Variants in TMEM178B observed in about 807,000 individuals in gnomAD.
TMEM178B encodes the protein transmembrane protein 178B.
TMEM178B carries 5 observed loss-of-function variants against 31.0 expected under a neutral mutation model. That is an observed-to-expected ratio of 0.16 (90% CI 0.08 to 0.34). TMEM178B has a LOEUF of 0.34. Among genes scored for constraint, TMEM178B ranks in the 10% least tolerant of loss-of-function variants. TMEM178B has a pLI of 1.00. For missense variants in TMEM178B, 275 were observed against 400.3 expected (o/e 0.69, Z 2.67); for synonymous variants, 164 against 164.0 (o/e 1.00, Z 0.00).
At chr7:141,273,141 C>T (rs1410686658) in intron 2 of TMEM178B, among the ~76,000 whole-genome samples, 3 of 152,112 alleles carry the variant, frequency 2.0e-5, no homozygotes, top group Non-Finnish European at 1.5e-5. Context: ...ACAAATACTG[C>T]ATGATCTTAT....
At chr7:141,384,709 G>A (rs942446349) in intron 2 of TMEM178B, among the ~76,000 whole-genome samples, 2 of 152,188 alleles carry the variant, frequency 1.3e-5, no homozygotes, top group Admixed American at 6.5e-5. Flanking sequence ...GCTCTTTTTT[G>A]GTTCCATATG....
chr7:141,443,248 C>T (rs984564795), intron 3 of TMEM178B, among the ~76,000 whole-genome samples: 2 of 152,206 alleles, frequency 1.3e-5, no homozygotes, highest in South Asian at 2.1e-4. Flanking sequence ...GATTATGATA[C>T]ATTTGTTATT....
In TMEM178B at chr7:141,321,039, G is replaced by C. The variant is rs1025208562; in HGVS notation, c.496+108335G>C. On this transcript the variant is annotated intron_variant, in intron 2 of 3. Coordinates refer to ENST00000565468, the MANE Select transcript of TMEM178B (RefSeq NM_001195278.2). Reference sequence around the variant, plus strand: ...ATTGTTGAGAATACACCCCATTCACGGCCACTGGTGGGATTTTGTTCCATG... The same window carrying C: ...ATTGTTGAGAATACACCCCATTCACCGCCACTGGTGGGATTTTGTTCCATG... 2.0e-5 allele frequency among the ~76,000 whole-genome samples: 3 copies of C among 152,130 alleles called. No individual in the cohort carries two copies. In the South Asian group the frequency reaches 6.2e-4, roughly 32 times the overall value.
Position 141,304,156 on chromosome 7 carries a change from G to A in TMEM178B, c.496+91452G>A, listed in dbSNP as rs936040026. The stretch of plus-strand genomic sequence containing the variant: ...TAATCCAGAAGACCAGACAGCTACA[G>A]TATGTGGTTATTAATTGGTTCGATT... On this transcript the variant is annotated intron_variant, in intron 2 of 3. Transcript: ENST00000565468. Among the ~76,000 whole-genome samples the A allele has an allele frequency of 2.6e-5, 4 of 152,170 alleles. No homozygotes were observed. In the East Asian group the frequency reaches 7.7e-4, roughly 29 times the overall value.
chr7:141,224,972 G>A (rs971451180), intron 2 of TMEM178B, among the ~76,000 whole-genome samples: 11 of 152,198 alleles, frequency 7.2e-5, no homozygotes, highest in Admixed American at 2.0e-4. Context: ...GGGATTGACC[G>A]CTAAAGGTTG....
At chr7:141,208,508 A>C (rs541095504) in intron 1 of TMEM178B, among the ~76,000 whole-genome samples, 19 of 152,332 alleles carry the variant, frequency 1.2e-4, no homozygotes, top group Admixed American at 9.8e-4. Context: ...CACATGGATA[A>C]ATATTTTGCT....
At chr7:141,213,586 T>C (rs989433282) in intron 2 of TMEM178B, among the ~76,000 whole-genome samples, 3 of 152,212 alleles carry the variant, frequency 2.0e-5, no homozygotes, top group African/African-American at 7.2e-5. Context: ...ATTCTTTTAT[T>C]CCTGACAGTA....
chr7:141,208,432 T>G (rs1410357730), intron 1 of TMEM178B, among the ~76,000 whole-genome samples: 2 of 152,238 alleles, frequency 1.3e-5, no homozygotes, highest in African/African-American at 4.8e-5. Context: ...ATTCTGGGCC[T>G]ACTTATTTGG....
chr7:141,297,679 C>G (rs187308659), intron 2 of TMEM178B, among the ~76,000 whole-genome samples: 1 of 152,210 alleles, frequency 6.6e-6, no homozygotes, highest in African/African-American at 2.4e-5. Context: ...CTACAAAGGA[C>G]ATGAACTCAT....
At chr7:141,270,674 A>T (rs1386571750) in intron 2 of TMEM178B, among the ~76,000 whole-genome samples, 13 of 152,228 alleles carry the variant, frequency 8.5e-5, no homozygotes, top group Admixed American at 8.5e-4. Context: ...AATCAAAAGG[A>T]TACAAAGAAA....
At chr7:141,184,449 A>AC (rs1796576378) in intron 1 of TMEM178B, among the ~76,000 whole-genome samples, 1 of 152,084 alleles carries the variant, frequency 6.6e-6, no homozygotes, top group African/African-American at 2.4e-5. Flanking sequence ...GAGGGCTCTG[A>AC]CATTTCCTTC....
At chr7:141,285,751 T>C (rs1798438583) in intron 2 of TMEM178B, among the ~76,000 whole-genome samples, 1 of 152,188 alleles carries the variant, frequency 6.6e-6, no homozygotes, top group Non-Finnish European at 1.5e-5. Context: ...CACCATGGAA[T>C]GCTATACAGC....
At chr7:141,293,397 G>C (rs751980273) in intron 2 of TMEM178B, among the ~76,000 whole-genome samples, 1 of 152,158 alleles carries the variant, frequency 6.6e-6, no homozygotes. Context: ...ATACTTGGCT[G>C]TTAAGACCCC....
At chr7:141,308,817 A>G (rs1424537675) in intron 2 of TMEM178B, among the ~76,000 whole-genome samples, 2 of 152,206 alleles carry the variant, frequency 1.3e-5, no homozygotes, top group African/African-American at 4.8e-5. Context: ...GGGAGGGGCC[A>G]GGACCCCGGC....
intron 2 of TMEM178B, among the ~76,000 whole-genome samples, chr7:141,373,372 T>C (rs1800153198): frequency 1.3e-5 from 2 of 152,184 alleles, no homozygotes; most frequent in Admixed American, 6.5e-5. Context: ...AGGACCAGTA[T>C]GGAGCCACAG....
At chr7:141,306,473 A>G (rs1336318073) in intron 2 of TMEM178B, among the ~76,000 whole-genome samples, 2 of 152,192 alleles carry the variant, frequency 1.3e-5, no homozygotes, top group African/African-American at 2.4e-5. Flanking sequence ...CTTTCTGAGT[A>G]TGGCTTTCTT....
intron 1 of TMEM178B, among the ~76,000 whole-genome samples, chr7:141,188,655 A>G (rs1160000063): frequency 6.6e-6 from 1 of 152,234 alleles, no homozygotes; most frequent in Non-Finnish European, 1.5e-5. Context: ...ATAAAACAGA[A>G]ATAAGCTTAC....
chr7:141,289,482 G>C (rs1470052002), intron 2 of TMEM178B, among the ~76,000 whole-genome samples: 1 of 152,104 alleles, frequency 6.6e-6, no homozygotes, highest in Non-Finnish European at 1.5e-5. Context: ...TTGGGAGACC[G>C]AGGCAGGCAG....
chr7:141,510,697 A>AAAAAAAAAAAG, the TMEM178B span, among the ~76,000 whole-genome samples: 1 of 144,174 alleles, frequency 6.9e-6, no homozygotes, highest in Non-Finnish European at 1.5e-5. Flanking sequence ...AAAAAAAAAA[A>AAAAAAAAAAAG]AAAAAAAAAA....
Sources: allele counts gnomAD v4.1 joint callset (sites outside exome capture counted in the v4.1 genomes callset), GRCh38; gene constraint gnomAD v4.1.1; transcripts MANE v1.5; gene names NCBI Gene and HGNC (gene_info 2026-07-23, HGNC 2026-07-21).